PCDH15: variants seen among roughly 807,000 people sequenced by gnomAD.
PCDH15 encodes protocadherin-15.
PCDH15 carries 129 observed loss-of-function variants against 178.5 expected under a neutral mutation model. The observed-to-expected ratio is 0.72, with a 90% CI of 0.63 to 0.84. The LOEUF is 0.84. Among genes scored for constraint, PCDH15 ranks in the 40% least tolerant of loss-of-function variants. The pLI is 0.00. For missense variants in PCDH15, 2,230 were observed against 2,099.9 expected (o/e 1.06, Z -1.21); for synonymous variants, 800 against 732.0 (o/e 1.09, Z -1.50).
chr10:55,608,081 G>A (rs529780426), intron 2 of PCDH15, among the ~76,000 whole-genome samples: 8 of 152,210 alleles, frequency 5.3e-5, no homozygotes, highest in Admixed American at 2.0e-4. Flanking sequence ...TGTAGATAAA[G>A]ACGGGAGCGT....
intron 3 of PCDH15, among the ~76,000 whole-genome samples, chr10:54,443,682 A>G (rs114218491): frequency 0.018 from 2,697 of 151,734 alleles, 94 homozygotes; most frequent in African/African-American, 0.062. Flanking sequence ...TTGTATCAAA[A>G]TTTGTCATCT....
At chr10:54,738,595 T>C (rs1394437378) in intron 1 of PCDH15, among the ~76,000 whole-genome samples, 1 of 151,734 alleles carries the variant, frequency 6.6e-6, no homozygotes, top group East Asian at 1.9e-4. Context: ...CAGACAAACA[T>C]GCAATAATAA....
intron 2 of PCDH15, among the ~76,000 whole-genome samples, chr10:54,942,280 C>T (rs1838082628): frequency 6.6e-6 from 1 of 152,002 alleles, no homozygotes; most frequent in Admixed American, 6.6e-5. Context: ...CTTTGCCATT[C>T]TGAGGGAGAT....
At chr10:54,716,334 C>T (rs2095479352) in intron 1 of PCDH15, among the ~76,000 whole-genome samples, 1 of 152,088 alleles carries the variant, frequency 6.6e-6, no homozygotes, top group Non-Finnish European at 1.5e-5. Context: ...CACCTACTGG[C>T]CTAGAGTTTG....
At chr10:54,515,051 C>T (rs559052089) in intron 3 of PCDH15, among the ~76,000 whole-genome samples, 19 of 152,304 alleles carry the variant, frequency 1.2e-4, no homozygotes, top group South Asian at 4.1e-4. Flanking sequence ...GCGTGAGTGA[C>T]GCAGAAGACA....
At chr10:55,224,783 C>A (rs1194492232) in intron 1 of PCDH15, among the ~76,000 whole-genome samples, 1 of 152,058 alleles carries the variant, frequency 6.6e-6, no homozygotes, top group Non-Finnish European at 1.5e-5. Flanking sequence ...TAACTCCTGT[C>A]CTCCAACTTA....
rs546950414 is a variant in PCDH15, at chr10:54,939,768, T to C, written c.-79-42268A>G. Among the ~76,000 whole-genome samples, 50 of 152,272 alleles carry C rather than the reference T, an allele frequency of 3.3e-4. No homozygotes were observed. The South Asian group carries it at 9.5e-3, about 29-fold the overall frequency. ...AATATGACATCTGGTGAAGACTCAC[T>C]TTATGATTCAGAAACAATGCCTTTT... On this transcript the variant is annotated intron_variant, in intron 2 of 5. Transcript: ENST00000458638.
chr10:55,222,730 CATAT>C (rs142618720), intron 1 of PCDH15, among the ~76,000 whole-genome samples: 16,046 of 121,108 alleles, frequency 0.13, 1,903 homozygotes, highest in African/African-American at 0.26. Context: ...CACACACACA[CATAT>C]ATATATATAT....
chr10:55,395,196 TGAGAGAGAGAGAGAGAGAGA>T (rs55765914), intron 2 of PCDH15, among the ~76,000 whole-genome samples: 1 of 126,640 alleles, frequency 7.9e-6, no homozygotes, highest in South Asian at 2.6e-4. Flanking sequence ...TGTGTGTGTG[TGAGAGAGAGAGAGAGAGAGA>T]GAGAGAGAGA....
intron 2 of PCDH15, among the ~76,000 whole-genome samples, chr10:55,437,087 A>G (rs1047378518): frequency 4.6e-5 from 7 of 152,212 alleles, no homozygotes; most frequent in Non-Finnish European, 8.8e-5. Context: ...AAAAGCGATG[A>G]CTATAATGAT....
intron 9 of PCDH15, among the ~76,000 whole-genome samples, chr10:54,231,841 G>T (rs1206132987): frequency 1.3e-5 from 2 of 152,174 alleles, no homozygotes; most frequent in Non-Finnish European, 2.9e-5. Context: ...TGCTTTGGCT[G>T]ATTTCTCCTT....
intron 2 of PCDH15, among the ~76,000 whole-genome samples, chr10:54,908,248 T>C (rs1688422156): frequency 6.6e-6 from 1 of 152,116 alleles, no homozygotes; most frequent in Non-Finnish European, 1.5e-5. Flanking sequence ...GGGGTTCAGT[T>C]ATAGTGCATA....
In PCDH15 at chr10:53,940,863, C is replaced by A. The variant is rs1274379621; in HGVS notation, c.3232+3G>T. 1.9e-6 allele frequency: 3 copies of A among 1,601,874 alleles called. No individual in the cohort carries two copies. In the South Asian group the frequency reaches 3.3e-5, roughly 18 times the overall value. Reference sequence around the variant, plus strand: ...TGAGAACACAAACTAAAAGTCTACTCACCTTCTTCATTTCCTGAAACAATG... The same window carrying A: ...TGAGAACACAAACTAAAAGTCTACTAACCTTCTTCATTTCCTGAAACAATG... On this transcript the variant is annotated splice_donor_region_variant and intron_variant, in intron 24 of 37. Coordinates refer to ENST00000644397, the MANE Select transcript of PCDH15 (RefSeq NM_001384140.1).
At chr10:55,505,417 A>G (rs1017365862) in intron 2 of PCDH15, among the ~76,000 whole-genome samples, 2 of 151,378 alleles carry the variant, frequency 1.3e-5, no homozygotes, top group Admixed American at 6.6e-5. Context: ...TAAGAAAATA[A>G]TAAGACTAAT....
chr10:55,096,269 T>C (rs1842448456), intron 2 of PCDH15, among the ~76,000 whole-genome samples: 1 of 152,088 alleles, frequency 6.6e-6, no homozygotes, highest in African/African-American at 2.4e-5. Context: ...TAAAATGTAT[T>C]TTCTTAGACA....
chr10:55,103,825 TG>T (rs1195535347), intron 2 of PCDH15, among the ~76,000 whole-genome samples: 1 of 152,164 alleles, frequency 6.6e-6, no homozygotes, highest in Non-Finnish European at 1.5e-5. Context: ...CATGGGGTTC[TG>T]GGTGGCCAGG....
chr10:54,388,945 G>A (rs1469680812), intron 3 of PCDH15, among the ~76,000 whole-genome samples: 3 of 152,122 alleles, frequency 2.0e-5, no homozygotes, highest in African/African-American at 7.2e-5. Flanking sequence ...TTCAGATTTG[G>A]GTTCTATTAC....
Position 54,815,301 on chromosome 10 carries a change from A to G in PCDH15, c.-29+82149T>C, listed in dbSNP as rs558605918. On this transcript the variant is annotated intron_variant, in intron 3 of 5. Coordinates refer to the PCDH15 transcript ENST00000458638. ...ACTACCATGAAATGTACATATATCT[A>G]TTATAAAAACTTAAAATTTATCAAA... 2.6e-5 allele frequency among the ~76,000 whole-genome samples: 4 copies of G among 152,254 alleles called. No individual in the cohort carries two copies. In the South Asian group the frequency reaches 8.3e-4, roughly 32 times the overall value.
At chr10:55,054,216 C>T (rs548092503) in intron 2 of PCDH15, among the ~76,000 whole-genome samples, 1 of 152,214 alleles carries the variant, frequency 6.6e-6, no homozygotes, top group Admixed American at 6.5e-5. Flanking sequence ...TCTTTTGTTC[C>T]CCTCTGTGTG....
Sources: gnomAD v4.1 joint callset for allele counts (sites outside exome capture counted in the v4.1 genomes callset) on GRCh38, gnomAD v4.1.1 for gene constraint, MANE v1.5 for transcripts, NCBI Gene and HGNC (gene_info 2026-07-23, HGNC 2026-07-21) for gene names.